The following ERBIN variants were observed in gnomAD, a reference collection of about 807,000 sequenced individuals.
The protein encoded by ERBIN is densin-180-like protein.
A neutral mutation model predicts 158.4 loss-of-function variants in ERBIN; 60 were observed. The ratio of observed to expected loss-of-function variants is 0.38; its 90% CI spans 0.31 to 0.47. The LOEUF is 0.47. Ranked by LOEUF, ERBIN falls within the 20% of genes least tolerant of loss-of-function variation. ERBIN has a pLI of 0.99. For missense variants in ERBIN, 1,610 were observed against 1,648.0 expected, an observed-to-expected ratio of 0.98 and a Z score of 0.40; for synonymous variants, 594 against 557.2, an observed-to-expected ratio of 1.07 and a Z score of -0.93.
chr5:65,934,215 A>T (rs1386744179), intron 1 of ERBIN, among the ~76,000 whole-genome samples: 1 of 152,152 alleles, frequency 6.6e-6, no homozygotes, highest in Non-Finnish European at 1.5e-5. Context: ...TAAATATTTT[A>T]ATGTTTATTT....
chr5:66,074,983 AT>A, intron 22 of ERBIN, 40 bp from the exon 23 acceptor site: 2 of 1,563,470 alleles, frequency 1.3e-6, no homozygotes. Context: ...GAAATAAGAC[AT>A]TATTATTGGT....
At chr5:65,997,359 A>G (rs1752548299) in intron 4 of ERBIN, among the ~76,000 whole-genome samples, 1 of 151,944 alleles carries the variant, frequency 6.6e-6, no homozygotes, top group Non-Finnish European at 1.5e-5. Context: ...CCATTGAGAG[A>G]TTTTTTTCCT....
rs185479922 is a variant in ERBIN, at chr5:66,073,342, T to C, written c.3756+1051T>C. ...AGTAATAAAGCAACAGCAGAACCAG[T>C]TAATTACTCATGGGCAAATCAGTTG... On this transcript the variant is annotated intron_variant, in intron 22 of 25. Transcript: ENST00000284037. Among the ~76,000 whole-genome samples the C allele has an allele frequency of 5.9e-5, 9 of 152,332 alleles. No individual in the cohort carries two copies. In the East Asian group the frequency reaches 1.7e-3, roughly 29 times the overall value.
At chr5:66,028,965 GA>G (rs1183950603) in intron 14 of ERBIN, among the ~76,000 whole-genome samples, 3 of 152,110 alleles carry the variant, frequency 2.0e-5, no homozygotes, top group African/African-American at 7.2e-5. Flanking sequence ...TGTTGCAAGT[GA>G]CAGGATTTCC....
chr5:66,050,973 G>T lies in ERBIN; in HGVS notation c.2087+7G>T. ...ATATTAATTCCAAAATCAGGTGTGT[G>T]AACCTCTTTTACAGTTTTTTATTTA... On this transcript the variant is annotated splice_region_variant and intron_variant, in intron 20 of 25. Coordinates refer to ENST00000284037, the MANE Select transcript of ERBIN (RefSeq NM_001253697.2). 6.3e-7 allele frequency: 1 copy of T among 1,584,614 alleles called. No homozygotes were observed. Among genetic ancestry groups the T allele is most frequent in the South Asian group, 1.2e-5 (1 of 85,186 alleles).
At chr5:65,928,804 T>C (rs1388914808) in intron 1 of ERBIN, among the ~76,000 whole-genome samples, 5 of 152,220 alleles carry the variant, frequency 3.3e-5, no homozygotes, top group Non-Finnish European at 7.4e-5. Context: ...TGTGAAACTA[T>C]AAGTATTTTC....
chr5:65,959,575 C>T (rs1426813824), intron 1 of ERBIN, among the ~76,000 whole-genome samples: 2 of 152,082 alleles, frequency 1.3e-5, no homozygotes, highest in South Asian at 2.1e-4. Context: ...TGAGGATGGA[C>T]TTCATAGTTC....
At chr5:66,068,993 A>T (rs542503964) in intron 21 of ERBIN, 114 of 1,534,618 alleles carry the variant, frequency 7.4e-5, no homozygotes, top group Middle Eastern at 5.0e-4. Flanking sequence ...TTGCAGACAG[A>T]AGAGGTTCTG....
chr5:66,024,474 G>T (rs1427214204), intron 10 of ERBIN, 24 bp downstream of exon 10: 2 of 1,565,084 alleles, frequency 1.3e-6, no homozygotes, highest in Non-Finnish European at 1.7e-6. Context: ...TCAAATTCAT[G>T]TAATTTTTAT....
At chr5:65,968,604 A>C (rs1051308016) in intron 1 of ERBIN, among the ~76,000 whole-genome samples, 1 of 152,202 alleles carries the variant, frequency 6.6e-6, no homozygotes, top group East Asian at 1.9e-4. Flanking sequence ...TCCGTTGCCC[A>C]GGCTGGAGTG....
At chr5:66,004,126 G>C (rs12187601) in intron 4 of ERBIN, among the ~76,000 whole-genome samples, 2 of 140,346 alleles carry the variant, frequency 1.4e-5, no homozygotes, top group East Asian at 2.1e-4. Flanking sequence ...TTTTTTTTAA[G>C]AGATGGGGTT....
At chr5:66,023,623 G>A (rs1033017741) in intron 9 of ERBIN, among the ~76,000 whole-genome samples, 1 of 149,876 alleles carries the variant, frequency 6.7e-6, no homozygotes, top group Non-Finnish European at 1.5e-5. Context: ...GTCCCAATTT[G>A]CTTTGCCCAA....
rs773002802 is a variant in ERBIN, at chr5:66,012,149, A to T, written c.386+22A>T. On this transcript the variant is annotated intron_variant, in intron 5 of 25. Transcript: ENST00000284037. ...CCAAGTAAGTTCTCAGGTGAATTAT[A>T]AATTACTTTTGTGAATAAAACAATT... 2.0e-6 allele frequency: 3 copies of T among 1,493,998 alleles called. No homozygotes were observed. In the South Asian group the frequency reaches 3.8e-5, roughly 19 times the overall value. 92.5% of individuals were successfully genotyped at this position (1,493,998 alleles called of 1,614,324 possible). A position where few individuals can be genotyped will look rare whatever the true frequency, so the allele number is the denominator to read the frequency against.
At chr5:65,946,193 C>T (rs59844234) in intron 1 of ERBIN, among the ~76,000 whole-genome samples, 6,091 of 152,006 alleles carry the variant, frequency 0.04, 409 homozygotes, top group African/African-American at 0.14. Flanking sequence ...GATGAAACAT[C>T]GTCTCTACAA....
intron 1 of ERBIN, among the ~76,000 whole-genome samples, chr5:65,987,264 A>G (rs1751332687): frequency 6.6e-6 from 1 of 151,906 alleles, no homozygotes; most frequent in Non-Finnish European, 1.5e-5. Flanking sequence ...AAGGAAGGCC[A>G]GGTCACACCT....
At chr5:65,981,764 G>A (rs1750688978) in intron 1 of ERBIN, among the ~76,000 whole-genome samples, 1 of 152,160 alleles carries the variant, frequency 6.6e-6, no homozygotes, top group Non-Finnish European at 1.5e-5. Flanking sequence ...TCAGCATGTG[G>A]TCTTTTATCT....
In ERBIN at chr5:66,075,027, C is replaced by T. The variant is rs577558840; in HGVS notation, c.3760C>T (p.Pro1254Ser). 6.2e-7 allele frequency: 1 copy of T among 1,613,830 alleles called. No homozygotes were observed. Among genetic ancestry groups the T allele is most frequent in the South Asian group, 1.1e-5 (1 of 91,068 alleles). The change falls in exon 23 of 26, where the codon CCT (proline) becomes TCT (serine). Residue 1254 changes from proline to serine, a missense_variant. Physicochemically the swap from Pro to Ser is moderately conservative, Grantham distance 74 (BLOSUM62 -1). Coordinates refer to ENST00000284037, the MANE Select transcript of ERBIN (RefSeq NM_001253697.2). ...AGATACTTCATGTTTTTCTTAGATG[C>T]CTTTGAGTAATGGACAGATGGGCCA... ...DVPPDSLMKM[P>S]LSNGQMGQPL...
At chr5:66,071,432 A>T (rs561865983) in intron 21 of ERBIN, among the ~76,000 whole-genome samples, 7 of 152,196 alleles carry the variant, frequency 4.6e-5, no homozygotes, top group Non-Finnish European at 8.8e-5. Flanking sequence ...TTTTCCCCTA[A>T]AGCTATCAGC....
chr5:65,991,599 G>A (rs182005138), intron 2 of ERBIN, among the ~76,000 whole-genome samples: 2 of 152,068 alleles, frequency 1.3e-5, no homozygotes, highest in East Asian at 1.9e-4. Flanking sequence ...TTTAAAAGTC[G>A]ATTTTTAAAC....
Sources: gnomAD v4.1 joint callset for allele counts (sites outside exome capture counted in the v4.1 genomes callset) on GRCh38, gnomAD v4.1.1 for gene constraint, MANE v1.5 for transcripts, NCBI Gene and HGNC (gene_info 2026-07-23, HGNC 2026-07-21) for gene names.